Variants in CCDC178 observed in about 807,000 individuals in gnomAD.
CCDC178 encodes the protein coiled-coil domain-containing protein 178.
A neutral mutation model predicts 117.4 loss-of-function variants in CCDC178; 126 were observed. The ratio of observed to expected loss-of-function variants is 1.07; its 90% CI spans 0.93 to 1.24. CCDC178 has a LOEUF of 1.24. Among genes scored for constraint, CCDC178 ranks in the 50% most tolerant of loss-of-function variants. The pLI is 0.00. For missense variants in CCDC178, 1,030 were observed against 986.9 expected, an observed-to-expected ratio of 1.04 and a Z score of -0.59; for synonymous variants, 283 against 313.4, an observed-to-expected ratio of 0.90 and a Z score of 1.02.
chr18:33,125,861 C>T (rs769633576), intron 20 of CCDC178, among the ~76,000 whole-genome samples: 4 of 152,096 alleles, frequency 2.6e-5, no homozygotes, highest in Non-Finnish European at 5.9e-5. Context: ...CTTAATGTCC[C>T]AGAGGACGAG....
chr18:33,269,089 G>T (rs1381570823), intron 12 of CCDC178, among the ~76,000 whole-genome samples: 1 of 151,736 alleles, frequency 6.6e-6, no homozygotes, highest in African/African-American at 2.4e-5. Flanking sequence ...GACCTGTCTG[G>T]TGGTTTTTAT....
At chr18:33,274,812 T>A (rs989409919) in intron 12 of CCDC178, among the ~76,000 whole-genome samples, 1 of 152,038 alleles carries the variant, frequency 6.6e-6, no homozygotes, top group Admixed American at 6.6e-5. Context: ...ATGCCTTTGA[T>A]AAATGCCTGT....
intron 11 of CCDC178, among the ~76,000 whole-genome samples, chr18:33,320,807 G>C (rs1418414819): frequency 6.6e-6 from 1 of 152,146 alleles, no homozygotes; most frequent in Non-Finnish European, 1.5e-5. Context: ...AAAGAACAAA[G>C]CTGGAGGCAT....
chr18:33,136,663 T>C (rs2058130622), intron 20 of CCDC178, among the ~76,000 whole-genome samples: 1 of 152,192 alleles, frequency 6.6e-6, no homozygotes. Context: ...CCACACTGTT[T>C]AACTCAATTT....
At chr18:32,953,444 G>A (rs1598726017) in intron 22 of CCDC178, among the ~76,000 whole-genome samples, 1 of 152,162 alleles carries the variant, frequency 6.6e-6, no homozygotes, top group East Asian at 1.9e-4. Flanking sequence ...CTTCTTCTGA[G>A]CCTTCCAAAC....
chr18:33,319,161 A>C (rs1407231300), intron 11 of CCDC178, among the ~76,000 whole-genome samples: 1 of 151,806 alleles, frequency 6.6e-6, no homozygotes, highest in African/African-American at 2.4e-5. Flanking sequence ...CATTTACATT[A>C]GGTATATCTC....
chr18:33,246,209 A>G (rs1481338310), intron 14 of CCDC178, among the ~76,000 whole-genome samples: 2 of 151,926 alleles, frequency 1.3e-5, no homozygotes, highest in Non-Finnish European at 2.9e-5. Flanking sequence ...GCAACCAGAA[A>G]GCAAACTATA....
At chr18:33,089,158 C>T (rs1484966075) in intron 21 of CCDC178, among the ~76,000 whole-genome samples, 1 of 151,998 alleles carries the variant, frequency 6.6e-6, no homozygotes, top group Non-Finnish European at 1.5e-5. Flanking sequence ...ATCAAATAAT[C>T]TATTTCAGTT....
At chr18:33,056,202 T>C (rs981696195) in intron 21 of CCDC178, among the ~76,000 whole-genome samples, 1 of 152,208 alleles carries the variant, frequency 6.6e-6, no homozygotes, top group Non-Finnish European at 1.5e-5. Flanking sequence ...AATTCTACCA[T>C]CATCTGGCTT....
chr18:33,316,249 G>A (rs567764266), intron 11 of CCDC178, among the ~76,000 whole-genome samples: 161 of 152,304 alleles, frequency 1.1e-3, no homozygotes, highest in African/African-American at 3.7e-3. Flanking sequence ...GGCGGGAACC[G>A]GGGCTGCGCG....
intron 12 of CCDC178, among the ~76,000 whole-genome samples, chr18:33,287,788 G>A (rs1035573845): frequency 4.6e-5 from 7 of 151,718 alleles, no homozygotes; most frequent in African/African-American, 1.7e-4. Flanking sequence ...CAAAATAAAT[G>A]AATGAATAAA....
chr18:33,325,775 G>A (rs1246408014), intron 10 of CCDC178, among the ~76,000 whole-genome samples: 3 of 152,118 alleles, frequency 2.0e-5, no homozygotes, highest in South Asian at 2.1e-4. Context: ...TTTATGGGGC[G>A]GTGATCTTAC....
intron 22 of CCDC178, among the ~76,000 whole-genome samples, chr18:32,949,440 C>T (rs772031030): frequency 3.9e-5 from 6 of 151,986 alleles, no homozygotes; most frequent in Non-Finnish European, 7.4e-5. Context: ...AAAACTATTT[C>T]TTTCTTTCAT....
At chr18:33,165,734 G>C (rs141014026) in intron 20 of CCDC178, among the ~76,000 whole-genome samples, 2 of 152,112 alleles carry the variant, frequency 1.3e-5, no homozygotes, top group Non-Finnish European at 2.9e-5. Context: ...AAAAAGGCTA[G>C]TTCAATTCAC....
Position 33,366,722 on chromosome 18 carries a change from T to A in CCDC178, c.348+3328A>T, listed in dbSNP as rs79025204. Among the ~76,000 whole-genome samples the A allele has an allele frequency of 8.7e-3, 1,317 of 152,174 alleles. 28 individuals are homozygous for A. Among genetic ancestry groups the A allele is most frequent in the African/African-American group, 0.03 (1,263 of 41,538 alleles). On this transcript the variant is annotated intron_variant, in intron 6 of 22. Transcript: ENST00000383096. Reference sequence around the variant, plus strand: ...ATGTAACTGGGGTGAAGGCTCCAGCTGATCATCACCAAGCATTGTTCCTCT... The same window carrying A: ...ATGTAACTGGGGTGAAGGCTCCAGCAGATCATCACCAAGCATTGTTCCTCT...
intron 2 of CCDC178, among the ~76,000 whole-genome samples, chr18:33,422,760 C>T (rs542630765): frequency 2.6e-3 from 400 of 152,240 alleles, no homozygotes; most frequent in Non-Finnish European, 4.5e-3. Context: ...TGAAAGGAAG[C>T]ATGATGAAAA....
chr18:33,051,904 G>A (rs556558252), intron 21 of CCDC178, among the ~76,000 whole-genome samples: 74 of 152,246 alleles, frequency 4.9e-4, no homozygotes, highest in Non-Finnish European at 5.9e-4. Context: ...TAGCAATTTG[G>A]TTGTTTTCCT....
chr18:33,213,775 C>A (rs763822009), intron 19 of CCDC178, among the ~76,000 whole-genome samples: 1 of 151,882 alleles, frequency 6.6e-6, no homozygotes, highest in Non-Finnish European at 1.5e-5. Flanking sequence ...AGTTAAGAAG[C>A]AATTATAAAA....
At chr18:33,320,493 A>G (rs1344120227) in intron 11 of CCDC178, among the ~76,000 whole-genome samples, 1 of 152,156 alleles carries the variant, frequency 6.6e-6, no homozygotes, top group Non-Finnish European at 1.5e-5. Context: ...CCCATTCACA[A>G]TTGCTTCAAA....
Sources: allele counts gnomAD v4.1 joint callset (sites outside exome capture counted in the v4.1 genomes callset), GRCh38; gene constraint gnomAD v4.1.1; transcripts MANE v1.5; gene names NCBI Gene and HGNC (gene_info 2026-07-23, HGNC 2026-07-21).